Variants in F10 observed in about 807,000 individuals in gnomAD.
The protein encoded by F10 is Stuart-Prower factor.
In F10, 29 loss-of-function variants were observed where a neutral mutation model predicts 37.1. The observed-to-expected ratio is 0.78, with a 90% CI of 0.58 to 1.07. The LOEUF is 1.07. F10 is among the 50% of genes least tolerant of loss of function. The probability of loss-of-function intolerance (pLI) is 0.00; values close to 1 mark genes in which losing one functional copy is unlikely to be tolerated. For synonymous variants in F10, 262 were observed against 268.6 expected (o/e 0.98, Z 0.24); for missense variants, 539 against 667.9 (o/e 0.81, Z 2.13).
chr13:113,142,394 A>C (rs1213607699), intron 5 of F10, among the ~76,000 whole-genome samples: 5 of 150,796 alleles, frequency 3.3e-5, no homozygotes, highest in Non-Finnish European at 7.4e-5. Context: ...ACAAAAAAAA[A>C]AAAAAATTAG....
chr13:113,132,221 C>G (rs575376187), intron 2 of F10, among the ~76,000 whole-genome samples: 5 of 152,274 alleles, frequency 3.3e-5, no homozygotes, highest in Non-Finnish European at 5.9e-5. Context: ...GAAATATTTT[C>G]AAATACTTCT....
chr13:113,123,557 G>A (rs1020489338), intron 1 of F10, among the ~76,000 whole-genome samples: 3 of 152,180 alleles, frequency 2.0e-5, no homozygotes, highest in Non-Finnish European at 4.4e-5. Flanking sequence ...GGCCCCTCTG[G>A]TGGGGACACG....
chr13:113,142,556 CA>C (rs5806973), intron 5 of F10, among the ~76,000 whole-genome samples: 13,602 of 61,482 alleles, frequency 0.22, 692 homozygotes, highest in South Asian at 0.32. Context: ...GACTCTGTCT[CA>C]AAAAAAAAAA....
intron 2 of F10, among the ~76,000 whole-genome samples, chr13:113,138,107 A>C (rs1307826692): frequency 3.3e-5 from 5 of 152,242 alleles, no homozygotes; most frequent in Non-Finnish European, 5.9e-5. Context: ...CCTTGTCTGA[A>C]TGTTAACTCA....
Position 113,129,573 on chromosome 13 carries a change from C to A in F10, c.192C>A (p.Tyr64Ter). The change falls in exon 2 of 8, where the codon TAC (tyrosine) becomes TAA (stop). Residue 64 changes from tyrosine to a stop codon, truncating the protein, a stop_gained. Coordinates refer to ENST00000375559, the MANE Select transcript of F10 (RefSeq NM_000504.4). LOFTEE classifies it high-confidence loss of function. ...ERECMEETCS[Y>*]EEAREVFEDS... The stretch of plus-strand genomic sequence containing the variant: ...AGTGCATGGAAGAGACCTGCTCATA[C>A]GAAGAGGCCCGCGAGGTCTTTGAGG... The A allele has an allele frequency of 1.9e-6, 3 of 1,614,216 alleles. No homozygotes were observed. The highest frequency in any genetic ancestry group is 8.5e-7 in the Non-Finnish European group (1 of 1,180,036).
intron 2 of F10, among the ~76,000 whole-genome samples, chr13:113,137,928 G>A (rs2036494230): frequency 1.3e-5 from 2 of 152,210 alleles, no homozygotes; most frequent in African/African-American, 4.8e-5. Context: ...GAGGCTGCAG[G>A]TGGACCTGAA....
In F10 at chr13:113,143,844, C is replaced by T. The variant is rs1343956063; in HGVS notation, c.503-7C>T. On this transcript the variant is annotated splice_polypyrimidine_tract_variant and splice_region_variant and intron_variant, in intron 5 of 7. Coordinates refer to ENST00000375559, the MANE Select transcript of F10 (RefSeq NM_000504.4). This position sits in a 1 kb window ranked among gnomAD's most constrained non-coding sequence, Gnocchi z 6.8. ...GCTGAAGGCCCCGGCCGTCCTCTTT[C>T]TTTCAGGGCCCTACCCCTGTGGGAA... The T allele has an allele frequency of 1.2e-6, 2 of 1,611,890 alleles. No individual in the cohort carries two copies. The highest frequency in any genetic ancestry group is 1.7e-5 in the Admixed American group (1 of 60,010).
rs943613602 is a variant in F10 at position 113,143,021 on chromosome 13, G to A, written c.503-830G>A. Among the ~76,000 whole-genome samples the A allele has an allele frequency of 5.9e-5, 9 of 152,106 alleles. No individual in the cohort carries two copies. The highest frequency in any genetic ancestry group is 1.3e-4 in the Admixed American group (2 of 15,274). ...GCACACATGGACAGAGCTGAGGCAC[G>A]GCGGGGTGGAGGCCCCTGCGGCTGG... On this transcript the variant is annotated intron_variant, in intron 5 of 7. Transcript: ENST00000375559. The surrounding 1 kb of genome is among the most constrained non-coding windows in gnomAD (Gnocchi z 6.8).
intron 2 of F10, among the ~76,000 whole-genome samples, chr13:113,132,347 T>C (rs1179035209): frequency 6.6e-6 from 1 of 152,270 alleles, no homozygotes; most frequent in Non-Finnish European, 1.5e-5. Context: ...TCTTTACTTA[T>C]ATATAGCTAC....
chr13:113,148,187 C>G (rs887822324), intron 7 of F10, among the ~76,000 whole-genome samples: 1 of 151,422 alleles, frequency 6.6e-6, no homozygotes, highest in Non-Finnish European at 1.5e-5. Flanking sequence ...AAAAATTAGC[C>G]GGGCATGGTG....
At position 113,139,362 on chromosome 13, in the gene F10, G is replaced by T. The variant is rs767111216; in HGVS notation, c.262G>T (p.Asp88Tyr). Residue 88 changes from aspartate to tyrosine, a missense_variant, in exon 4 of 8, where the codon GAC becomes TAC. Coordinates refer to ENST00000375559, the MANE Select transcript of F10 (RefSeq NM_000504.4). The surrounding 1 kb of genome is among the most constrained non-coding windows in gnomAD (Gnocchi z 5.2). ...TCGAAATCCTCTCTTTGCAGATGGC[G>T]ACCAGTGTGAGACCAGTCCTTGCCA... ...NEFWNKYKDG[D>Y]QCETSPCQNQ... The T allele has an allele frequency of 6.2e-7, 1 of 1,613,604 alleles. No individual in the cohort carries two copies. The highest frequency in any genetic ancestry group is 1.3e-5 in the African/African-American group (1 of 74,892).
chr13:113,123,259 A>C (rs922592373), intron 1 of F10, among the ~76,000 whole-genome samples: 13 of 152,280 alleles, frequency 8.5e-5, no homozygotes, highest in Admixed American at 7.2e-4. Context: ...AAAGACGGAG[A>C]CAGAGAGAGA....
Position 113,148,345 on chromosome 13 carries a change from A to ATATATATATATATATATATAT in F10, c.866-571_866-570insTATATATATATATATATATAT, listed in dbSNP as rs1555396301. Among the ~76,000 whole-genome samples, 12 of 95,414 alleles carry ATATATATATATATATATATAT rather than the reference A, an allele frequency of 1.3e-4. No individual in the cohort carries two copies. The East Asian group carries it at 1.7e-3, about 14-fold the overall frequency. The allele number at this position is 95,414 out of a possible 152,430, so 62.6% of individuals were successfully genotyped here. ...AACTCTGTCTCAAAAAAAAAAAAAA[A>ATATATATATATATATATATAT]ATATATATATATATATATGTATATA... On this transcript the variant is annotated intron_variant, in intron 7 of 7. Transcript: ENST00000375559.
At chr13:113,123,401 A>G (rs1170568114) in intron 1 of F10, among the ~76,000 whole-genome samples, 2 of 152,176 alleles carry the variant, frequency 1.3e-5, no homozygotes, top group African/African-American at 2.4e-5. Flanking sequence ...CCACTCTCGG[A>G]CTGGCTCCGT....
At position 113,140,941 on chromosome 13, in the gene F10, G is replaced by C. The variant is rs776109576; in HGVS notation, c.393G>C (p.Leu131=). The part of the protein sequence containing the change: ...CELFTRKLCS[L]DNGDCDQFCH... The stretch of plus-strand genomic sequence containing the variant: ...CAGTCACACGGAAGCTCTGCAGCCT[G>C]GACAACGGGGACTGTGACCAGTTCT... The change falls in exon 5 of 8, where the codon CTG becomes CTC. Residue 131 remains leucine, a synonymous_variant. Transcript: ENST00000375559. 1 of 1,614,130 alleles carries C rather than the reference G, an allele frequency of 6.2e-7. No individual in the cohort carries two copies. The highest frequency in any genetic ancestry group is 1.1e-5 in the South Asian group (1 of 91,084).
In F10 at chr13:113,144,710, C is replaced by A. The variant is rs1378759781; in HGVS notation, c.747+615C>A. Among the ~76,000 whole-genome samples the A allele has an allele frequency of 6.6e-6, 1 of 152,204 alleles. No homozygotes were observed. The highest frequency in any genetic ancestry group is 6.5e-5 in the Admixed American group (1 of 15,288). ...TTTTCAAAGGTAAAAAAGAAAATCA[C>A]TCTTTGAGGCTTTTTTGTTAAGAGA... On this transcript the variant is annotated intron_variant, in intron 6 of 7. Coordinates refer to ENST00000375559, the MANE Select transcript of F10 (RefSeq NM_000504.4). This position sits in a 1 kb window ranked among gnomAD's most constrained non-coding sequence, Gnocchi z 6.4.
At chr13:113,140,791 CTGGCCCTTTGCTCAACCCAA>C in intron 4 of F10, 108 bp from the exon 5 acceptor site, 1 of 1,414,048 alleles carries the variant, frequency 7.1e-7, no homozygotes, top group Non-Finnish European at 1.0e-6. Flanking sequence ...TCGCCTGGCT[CTGGCCCTTTGCTCAACCCAA>C]TGGCCGCTTT....
At chr13:113,135,550 T>A (rs974028092) in intron 2 of F10, among the ~76,000 whole-genome samples, 1 of 152,286 alleles carries the variant, frequency 6.6e-6, no homozygotes, top group Non-Finnish European at 1.5e-5. Context: ...AGGACATTAA[T>A]CCTATTCACA....
At position 113,143,504 on chromosome 13, in the gene F10, C is replaced by T. The variant is rs934912297; in HGVS notation, c.503-347C>T. On this transcript the variant is annotated intron_variant, in intron 5 of 7. Transcript: ENST00000375559. The surrounding 1 kb of genome is among the most constrained non-coding windows in gnomAD (Gnocchi z 6.8). The stretch of plus-strand genomic sequence containing the variant: ...CCGGCCAGATGCATTCATCCCATTT[C>T]GCCCGGCCCGTTTGTCTCTGTCCAT... 4.3e-4 allele frequency among the ~76,000 whole-genome samples: 65 copies of T among 152,316 alleles called. No individual in the cohort carries two copies. Among genetic ancestry groups the T allele is most frequent in the African/African-American group, 1.5e-3 (62 of 41,580 alleles).
Sources: gnomAD v4.1 joint callset for allele counts (sites outside exome capture counted in the v4.1 genomes callset) on GRCh38, gnomAD v4.1.1 for gene constraint, Gnocchi (gnomAD v3.1) non-coding constraint, MANE v1.5 for transcripts, NCBI Gene and HGNC (gene_info 2026-07-23, HGNC 2026-07-21) for gene names.